ZNF274: variants seen among roughly 807,000 people sequenced by gnomAD.
The protein encoded by ZNF274 is zinc finger protein 274.
A neutral mutation model predicts 42.5 loss-of-function variants in ZNF274; 23 were observed. The observed-to-expected ratio is 0.54, with a 90% CI of 0.39 to 0.77. ZNF274 has a LOEUF of 0.77. Among genes scored for constraint, ZNF274 ranks in the 30% least tolerant of loss-of-function variants. The pLI, the probability that ZNF274 is intolerant of heterozygous loss-of-function variation, is 0.00. For missense variants in ZNF274, 679 were observed against 806.5 expected, an observed-to-expected ratio of 0.84 and a Z score of 1.91; for synonymous variants, 292 against 305.4, an observed-to-expected ratio of 0.96 and a Z score of 0.46.
intron 4 of ZNF274, among the ~76,000 whole-genome samples, chr19:58,198,232 C>T (rs1338069500): frequency 6.6e-6 from 1 of 152,168 alleles, no homozygotes; most frequent in Non-Finnish European, 1.5e-5. Flanking sequence ...GAATAAATAA[C>T]CAACCAGTAA....
intron 4 of ZNF274, among the ~76,000 whole-genome samples, chr19:58,199,494 A>G (rs1020476910): frequency 6.6e-6 from 1 of 152,052 alleles, no homozygotes; most frequent in African/African-American, 2.4e-5. Flanking sequence ...GCCAAGGTGA[A>G]TGGATCACTT....
chr19:58,209,186 TG>T (rs771324095), intron 5 of ZNF274: 106 of 152,510 alleles, frequency 7.0e-4, no homozygotes, highest in East Asian at 5.8e-4. Context: ...GCTGTCTCCC[TG>T]CATGGGATTT....
rs1008897570 is a variant in ZNF274, at chr19:58,183,309, C to T, written c.-179C>T. 3 of 152,332 alleles carry T rather than the reference C, an allele frequency of 2.0e-5. No homozygotes were observed. Among genetic ancestry groups the T allele is most frequent in the Admixed American group, 2.0e-4 (3 of 15,288 alleles). The allele number at this position is 152,332 out of a possible 1,614,324, so 9.4% of individuals were successfully genotyped here. ...CCCGGCTTCGCCTGCCGCCCCTAACCGGCCAGTCAAGATGGCCGCCGCTGG... is the reference window on the plus strand; with the variant it reads ...CCCGGCTTCGCCTGCCGCCCCTAACTGGCCAGTCAAGATGGCCGCCGCTGG... On this transcript the variant is annotated 5_prime_UTR_variant, in exon 1 of 8. Coordinates refer to ENST00000617501, the MANE Select transcript of ZNF274 (RefSeq NM_133502.3).
intron 4 of ZNF274, among the ~76,000 whole-genome samples, chr19:58,204,488 C>T (rs2075957343): frequency 6.6e-6 from 1 of 151,980 alleles, no homozygotes; most frequent in African/African-American, 2.4e-5. Context: ...TTCCTGAGTG[C>T]GCGATGACGG....
intron 5 of ZNF274, chr19:58,209,626 G>A (rs10415286): frequency 0.51 from 99,229 of 195,496 alleles, 27,257 homozygotes; most frequent in Non-Finnish European, 0.59. Flanking sequence ...TGACTCTAAG[G>A]AGGGGGCGTC....
Position 58,213,011 on chromosome 19 carries a change from G to T in ZNF274, c.1830G>T (p.Gln610His). The change falls in exon 8 of 8, where the codon CAG (glutamine) becomes CAT (histidine). Residue 610 changes from glutamine (Q) to histidine (H), a missense_variant. Coordinates refer to ENST00000617501, the MANE Select transcript of ZNF274 (RefSeq NM_133502.3). ...FRQSSHLIRH[Q>H]RTHTGERPYA... is the part of the protein sequence containing the mutation. ...AGAGCTCCCACCTCATCAGACATCA[G>T]AGGACTCACACCGGGGAGCGCCCAT... is the stretch of plus-strand genomic sequence containing the variant. The T allele has an allele frequency of 6.2e-7, 1 of 1,614,044 alleles. No homozygotes were observed. The highest frequency in any genetic ancestry group is 8.5e-7 in the Non-Finnish European group (1 of 1,179,910).
At chr19:58,192,812 A>G (rs1016517171) in intron 4 of ZNF274, among the ~76,000 whole-genome samples, 1 of 152,138 alleles carries the variant, frequency 6.6e-6, no homozygotes, top group African/African-American at 2.4e-5. Flanking sequence ...TGGCATGATC[A>G]TGGCTCACTG....
At chr19:58,203,716 T>A (rs1555819860) in intron 4 of ZNF274, among the ~76,000 whole-genome samples, 1 of 151,896 alleles carries the variant, frequency 6.6e-6, no homozygotes, top group Non-Finnish European at 1.5e-5. Flanking sequence ...TAAATACAGA[T>A]CAGAGCACTT....
chr19:58,193,346 C>T (rs2075800618), intron 4 of ZNF274, among the ~76,000 whole-genome samples: 1 of 151,474 alleles, frequency 6.6e-6, no homozygotes. Context: ...CAGGGTTTCA[C>T]CGTGTTAGCC....
chr19:58,198,642 C>T (rs2075872036), intron 4 of ZNF274, among the ~76,000 whole-genome samples: 1 of 152,072 alleles, frequency 6.6e-6, no homozygotes, highest in Non-Finnish European at 1.5e-5. Flanking sequence ...AATGGTAGCT[C>T]CTTCCTGTTG....
At chr19:58,186,120 A>T in intron 3 of ZNF274, 1 of 168,026 alleles carries the variant, frequency 6.0e-6, no homozygotes, top group East Asian at 1.5e-4. Flanking sequence ...AAGCAGGAGG[A>T]TTGCTTGAGC....
chr19:58,186,851 G>A, intron 3 of ZNF274, 96 bp from the exon 4 acceptor site: 1 of 1,018,906 alleles, frequency 9.8e-7, no homozygotes. Context: ...ATGTGCCTTA[G>A]CAGGGGAGAA....
At position 58,185,807 on chromosome 19, in the gene ZNF274, G is replaced by A; in HGVS notation, c.129G>A (p.Met43Ile). The A allele has an allele frequency of 7.0e-7, 1 of 1,421,084 alleles. No homozygotes were observed. Among genetic ancestry groups the A allele is most frequent in the Non-Finnish European group, 9.3e-7 (1 of 1,077,608 alleles). The allele number at this position is 1,421,084 out of a possible 1,614,324, so 88.0% of individuals were successfully genotyped here. Reference protein sequence around the residue: ...LKQKSLYREVMLENYRNLVSV... With the variant: ...LKQKSLYREVILENYRNLVSV... ...AGAAGTCCCTGTACAGGGAAGTGATGCTGGAGAACTACAGGAACCTGGTCT... is the reference window on the plus strand; with the variant it reads ...AGAAGTCCCTGTACAGGGAAGTGATACTGGAGAACTACAGGAACCTGGTCT... Residue 43 changes from methionine (M) to isoleucine (I), a missense_variant, in exon 3 of 8, where the codon ATG (methionine) becomes ATA (isoleucine). By Grantham distance (10) the Met-to-Ile change is conservative. This residue lies in a region of ZNF274 where 223 missense variants were observed against 216.4 expected (regional missense o/e 1.03). Transcript: ENST00000617501.
chr19:58,190,024 G>A (rs1010565541), intron 4 of ZNF274, among the ~76,000 whole-genome samples: 2 of 151,670 alleles, frequency 1.3e-5, no homozygotes, highest in African/African-American at 2.4e-5. Flanking sequence ...TTGGGAGGCT[G>A]AGGCAGGAGG....
chr19:58,211,824 G>A lies in ZNF274; in HGVS notation c.979+138G>A, dbSNP rs1313352257. The A allele has an allele frequency of 7.6e-7, 1 of 1,311,714 alleles. No homozygotes were observed. The highest frequency in any genetic ancestry group is 1.0e-6 in the Non-Finnish European group (1 of 979,616). 81.3% of individuals were successfully genotyped at this position (1,311,714 alleles called of 1,614,324 possible). ...TTGCTGCATCCAGGGCCTGTAAGTG[G>A]AACTGTAGACCTAGAGGGGTGAGGT... On this transcript the variant is annotated intron_variant, in intron 7 of 7. Coordinates refer to ENST00000617501, the MANE Select transcript of ZNF274 (RefSeq NM_133502.3). This position sits in a 1 kb window ranked among gnomAD's most constrained non-coding sequence, Gnocchi z 4.8.
intron 4 of ZNF274, among the ~76,000 whole-genome samples, chr19:58,193,273 A>C (rs2075799566): frequency 6.6e-6 from 1 of 150,980 alleles, no homozygotes; most frequent in Admixed American, 6.6e-5. Context: ...CAGCCTCCCG[A>C]GTAGCTGGGA....
Position 58,211,463 on chromosome 19 carries a change from T to G in ZNF274, c.853-97T>G. 3 of 1,474,926 alleles carry G rather than the reference T, an allele frequency of 2.0e-6. No homozygotes were observed. Among genetic ancestry groups the G allele is most frequent in the Non-Finnish European group, 2.7e-6 (3 of 1,096,572 alleles). The allele number at this position is 1,474,926 out of a possible 1,614,324, so 91.4% of individuals were successfully genotyped here. Reference sequence around the variant, plus strand: ...CAAAGCAGGAGAGTCCCTAGCACCGTGAGCTCTGTCAGAACCTCCCAGCTG... The same window carrying G: ...CAAAGCAGGAGAGTCCCTAGCACCGGGAGCTCTGTCAGAACCTCCCAGCTG... On this transcript the variant is annotated intron_variant, in intron 6 of 7. Transcript: ENST00000617501. The surrounding 1 kb of genome is among the most constrained non-coding windows in gnomAD (Gnocchi z 4.8).
rs2076049026 is a variant in ZNF274, at chr19:58,212,197, C to T, written c.1016C>T (p.Pro339Leu). The T allele has an allele frequency of 6.2e-7, 1 of 1,610,282 alleles. No individual in the cohort carries two copies. The highest frequency in any genetic ancestry group is 1.3e-5 in the African/African-American group (1 of 74,818). Residue 339 changes from proline (P) to leucine (L), a missense_variant, in exon 8 of 8, where the codon CCA (proline) becomes CTA (leucine). Physicochemically the swap from Pro to Leu is moderately conservative, Grantham distance 98 (BLOSUM62 -3). Transcript: ENST00000617501. This position sits in a 1 kb window ranked among gnomAD's most constrained non-coding sequence, Gnocchi z 4.6. The part of the protein sequence containing the change: ...ETTLENKELA[P>L]NSDIPEEEPA... ...ACACTGGAAAATAAAGAGTTAGCTC[C>T]AAATTCTGACATTCCTGAGGAAGAA...
At chr19:58,199,197 C>G (rs1015904740) in intron 4 of ZNF274, among the ~76,000 whole-genome samples, 6 of 151,828 alleles carry the variant, frequency 4.0e-5, no homozygotes, top group African/African-American at 1.4e-4. Flanking sequence ...AAAACCCTGT[C>G]TCTACTAAAA....
Sources: gnomAD v4.1 joint callset for allele counts (sites outside exome capture counted in the v4.1 genomes callset) on GRCh38, gnomAD v4.1.1 for gene constraint, gnomAD v4.1.1 regional missense constraint, Gnocchi (gnomAD v3.1) non-coding constraint, MANE v1.5 for transcripts, NCBI Gene and HGNC (gene_info 2026-07-23, HGNC 2026-07-21) for gene names.